Variants in SLC7A14 observed in about 807,000 individuals in gnomAD.
SLC7A14 encodes solute carrier family 7 member 14.
Under a neutral mutation model 60.2 loss-of-function variants are expected in SLC7A14, and 37 were observed. That is an observed-to-expected ratio of 0.61 (90% CI 0.47 to 0.81). SLC7A14 has a LOEUF of 0.81. SLC7A14 is among the 30% of genes least tolerant of loss of function. The pLI is 0.00. For missense variants in SLC7A14, 886 were observed against 982.7 expected, an observed-to-expected ratio of 0.90 and a Z score of 1.32; for synonymous variants, 399 against 395.8, an observed-to-expected ratio of 1.01 and a Z score of -0.10.
At position 170,533,110 on chromosome 3, in the gene SLC7A14, C is replaced by T. The variant is rs547372251; in HGVS notation, c.-152-6022G>A. ...TTCTGACTTTTATGCCTGTGGCTTA[C>T]TCTGGCTCACTCAGCTAGCATAAGC... On this transcript the variant is annotated intron_variant, in intron 1 of 7. Coordinates refer to ENST00000231706, the MANE Select transcript of SLC7A14 (RefSeq NM_020949.3). Among the ~76,000 whole-genome samples, 3 of 152,338 alleles carry T rather than the reference C, an allele frequency of 2.0e-5. No individual in the cohort carries two copies. The South Asian group carries it at 6.2e-4, about 32-fold the overall frequency.
At chr3:170,516,566 A>AAAT (rs1553870086) in intron 2 of SLC7A14, among the ~76,000 whole-genome samples, 3 of 151,420 alleles carry the variant, frequency 2.0e-5, no homozygotes, top group Non-Finnish European at 4.4e-5. Context: ...TACAAAAAAA[A>AAAT]AATAATAATA....
chr3:170,507,473 CT>C (rs1471319769), intron 2 of SLC7A14, among the ~76,000 whole-genome samples: 3 of 152,032 alleles, frequency 2.0e-5, no homozygotes, highest in Non-Finnish European at 4.4e-5. Flanking sequence ...AGCCCGGAGA[CT>C]GGGGGAGGGA....
chr3:170,555,584 G>A (rs1714464257), intron 1 of SLC7A14, among the ~76,000 whole-genome samples: 1 of 152,116 alleles, frequency 6.6e-6, no homozygotes, highest in Admixed American at 6.6e-5. Flanking sequence ...AAACCCAGAT[G>A]GTACAGCCTA....
chr3:170,544,332 A>T (rs1421605432), intron 1 of SLC7A14, among the ~76,000 whole-genome samples: 3 of 152,112 alleles, frequency 2.0e-5, no homozygotes, highest in African/African-American at 7.2e-5. Context: ...AAAAGGTAAA[A>T]TAGACACACA....
chr3:170,515,975 C>T (rs931286251), intron 2 of SLC7A14, among the ~76,000 whole-genome samples: 1 of 152,208 alleles, frequency 6.6e-6, no homozygotes, highest in African/African-American at 2.4e-5. Flanking sequence ...ATGCTGGGCC[C>T]AGAGAAGGTG....
chr3:170,469,497 A>G (rs978678492), intron 7 of SLC7A14, among the ~76,000 whole-genome samples: 7 of 151,742 alleles, frequency 4.6e-5, no homozygotes, highest in Middle Eastern at 3.2e-3. Flanking sequence ...TCTTTTCTGT[A>G]GGTGGGGGGT....
intron 4 of SLC7A14, among the ~76,000 whole-genome samples, chr3:170,493,790 G>A (rs755418153): frequency 6.6e-6 from 1 of 152,182 alleles, no homozygotes; most frequent in Non-Finnish European, 1.5e-5. Context: ...CCATTCACTG[G>A]GAAGGAAATG....
intron 1 of SLC7A14, among the ~76,000 whole-genome samples, chr3:170,537,986 T>C (rs1713900690): frequency 2.0e-5 from 3 of 152,220 alleles, no homozygotes; most frequent in Admixed American, 2.0e-4. Context: ...GGAAGAAAGA[T>C]GACCTAATCT....
At chr3:170,502,407 G>T (rs1299300171) in intron 2 of SLC7A14, among the ~76,000 whole-genome samples, 2 of 152,170 alleles carry the variant, frequency 1.3e-5, no homozygotes, top group South Asian at 4.1e-4. Context: ...CATAATTAGA[G>T]AATATATTAG....
At chr3:170,552,127 T>C (rs1440470215) in intron 1 of SLC7A14, among the ~76,000 whole-genome samples, 1 of 152,206 alleles carries the variant, frequency 6.6e-6, no homozygotes, top group Non-Finnish European at 1.5e-5. Flanking sequence ...TTCTTTATCA[T>C]GTGTGTATCT....
At chr3:170,482,061 T>A (rs1269325509) in intron 6 of SLC7A14, among the ~76,000 whole-genome samples, 1 of 152,234 alleles carries the variant, frequency 6.6e-6, no homozygotes, top group African/African-American at 2.4e-5. Context: ...TTCATGGGTT[T>A]AGTTGGCAAA....
chr3:170,580,772 C>T (rs1432633555), intron 1 of SLC7A14, among the ~76,000 whole-genome samples: 1 of 152,112 alleles, frequency 6.6e-6, no homozygotes, highest in Non-Finnish European at 1.5e-5. Flanking sequence ...AAAGTGACTT[C>T]GTTGAGTTTT....
At chr3:170,494,986 C>T (rs940628642) in intron 4 of SLC7A14, among the ~76,000 whole-genome samples, 3 of 152,182 alleles carry the variant, frequency 2.0e-5, no homozygotes, top group Admixed American at 6.5e-5. Context: ...AGGTCAGTTT[C>T]GCAGCCTCTA....
chr3:170,501,171 G>C lies in SLC7A14; in HGVS notation c.479C>G (p.Ser160Ter). Residue 160 changes from serine to a stop codon, truncating the protein, a stop_gained, in exon 3 of 8, where the codon TCA becomes TGA. Transcript: ENST00000231706. LOFTEE classifies it high-confidence loss of function. ...GCGGCTGATGGTGTGGTTGGCTAGT[G>C]AGTCAAACATGCTGCTCAGAGCACT... is the stretch of plus-strand genomic sequence containing the variant. ...GASALSSMFD[S>*]LANHTISRWM... 1 of 1,614,222 alleles carries C rather than the reference G, an allele frequency of 6.2e-7. No homozygotes were observed. The highest frequency in any genetic ancestry group is 2.2e-5 in the East Asian group (1 of 44,884).
In SLC7A14 at chr3:170,532,685, G is replaced by T. The variant is rs7621870; in HGVS notation, c.-152-5597C>A. Among the ~76,000 whole-genome samples, 31,005 of 148,130 alleles carry T rather than the reference G, an allele frequency of 0.21. 3,293 individuals are homozygous for T. Among genetic ancestry groups the T allele is most frequent in the Middle Eastern group, 0.21 (61 of 290 alleles). On this transcript the variant is annotated intron_variant, in intron 1 of 7. Transcript: ENST00000231706. The surrounding 1 kb of genome is among the most constrained non-coding windows in gnomAD (Gnocchi z 4.0). Reference sequence around the variant, plus strand: ...CCTGACCAGGTGTTTTTTTTTTTTTGTTGTTGTTGTTCCCTGCTACTGACA... The same window carrying T: ...CCTGACCAGGTGTTTTTTTTTTTTTTTTGTTGTTGTTCCCTGCTACTGACA...
chr3:170,580,710 G>T (rs1224593105), intron 1 of SLC7A14, among the ~76,000 whole-genome samples: 1 of 152,126 alleles, frequency 6.6e-6, no homozygotes, highest in Non-Finnish European at 1.5e-5. Context: ...CATGCCCTTG[G>T]TCATACTCAG....
At chr3:170,534,368 C>G (rs951304062) in intron 1 of SLC7A14, among the ~76,000 whole-genome samples, 1 of 152,148 alleles carries the variant, frequency 6.6e-6, no homozygotes, top group African/African-American at 2.4e-5. Context: ...CACTGACTTT[C>G]CATTAACTAA....
chr3:170,486,381 T>C lies in SLC7A14; in HGVS notation c.760-13A>G, dbSNP rs1712031528. The C allele has an allele frequency of 6.2e-7, 1 of 1,614,034 alleles. No homozygotes were observed. Among genetic ancestry groups the C allele is most frequent in the African/African-American group, 1.3e-5 (1 of 74,908 alleles). On this transcript the variant is annotated splice_polypyrimidine_tract_variant and intron_variant, in intron 4 of 7. Transcript: ENST00000231706. ...CTCCTTGCAGCACCTGTGTGGATGATGGCATTTGTCAGACTCAGAAGATCG... is the reference window on the plus strand; with the variant it reads ...CTCCTTGCAGCACCTGTGTGGATGACGGCATTTGTCAGACTCAGAAGATCG...
intron 2 of SLC7A14, among the ~76,000 whole-genome samples, chr3:170,507,781 G>A (rs1387926559): frequency 6.6e-6 from 1 of 152,120 alleles, no homozygotes; most frequent in Non-Finnish European, 1.5e-5. Context: ...TCTTATTTGA[G>A]AGCCCAATAC....
Sources: allele counts gnomAD v4.1 joint callset (sites outside exome capture counted in the v4.1 genomes callset), GRCh38; gene constraint gnomAD v4.1.1; non-coding constraint Gnocchi (gnomAD v3.1); transcripts MANE v1.5; gene names NCBI Gene and HGNC (gene_info 2026-07-23, HGNC 2026-07-21).